The following CXADR variants were observed in gnomAD, a reference collection of about 807,000 sequenced individuals.
CXADR encodes CXADR cell adhesion molecule, also known as coxsackievirus and adenovirus receptor.
In CXADR, 20 loss-of-function variants were observed where a neutral mutation model predicts 40.3. The observed-to-expected ratio is 0.50, with a 90% CI of 0.35 to 0.72. The LOEUF (loss-of-function observed/expected upper bound fraction) is 0.72. Among genes scored for constraint, CXADR ranks in the 30% least tolerant of loss-of-function variants. The pLI is 0.01. For missense variants in CXADR, 332 were observed against 449.1 expected (o/e 0.74, Z 2.36); for synonymous variants, 150 against 161.3 (o/e 0.93, Z 0.53).
rs73211046 is a variant in CXADR at position 17,590,868 on chromosome 21, G to C, written c.1018-2284G>C. Among the ~76,000 whole-genome samples, 78 of 152,114 alleles carry C rather than the reference G, an allele frequency of 5.1e-4. 1 individual carries two copies. The highest frequency in any genetic ancestry group is 3.4e-3 in the Middle Eastern group (1 of 294). ...ATCTCAGTCTTCACTCTACTGGGTT[G>C]TACTGTTTATTGCAATTTAATTTCT... On this transcript the variant is annotated intron_variant, in intron 7 of 7. Coordinates refer to the CXADR transcript ENST00000400169.
intron 1 of CXADR, among the ~76,000 whole-genome samples, chr21:17,524,043 C>CATGTGT (rs1555860825): frequency 6.9e-6 from 1 of 144,720 alleles, no homozygotes; most frequent in African/African-American, 2.6e-5. Context: ...TGTGTGTGTG[C>CATGTGT]GTGTGTGTGT....
At chr21:17,531,051 G>A (rs527308220) in intron 1 of CXADR, among the ~76,000 whole-genome samples, 3 of 152,220 alleles carry the variant, frequency 2.0e-5, no homozygotes, top group Non-Finnish European at 4.4e-5. Flanking sequence ...TGTAATCCCA[G>A]CACTTTGGGA....
At chr21:17,551,416 A>C (rs893965302) in intron 2 of CXADR, among the ~76,000 whole-genome samples, 1 of 152,152 alleles carries the variant, frequency 6.6e-6, no homozygotes, top group Non-Finnish European at 1.5e-5. Context: ...AAGGAAAAGA[A>C]AAGACAACGA....
chr21:17,514,651 T>A (rs80199914), intron 1 of CXADR, among the ~76,000 whole-genome samples: 18 of 151,210 alleles, frequency 1.2e-4, no homozygotes, highest in African/African-American at 3.2e-4. Context: ...TTTTTTTTTT[T>A]AAATGGAGTT....
chr21:17,616,328 CAA>C, the CXADR span, among the ~76,000 whole-genome samples: 2 of 145,012 alleles, frequency 1.4e-5, no homozygotes, highest in South Asian at 2.2e-4. Flanking sequence ...AATCTGAATA[CAA>C]AAGTCTTTTT....
intron 1 of CXADR, among the ~76,000 whole-genome samples, chr21:17,545,767 A>G (rs1569108062): frequency 8.5e-6 from 1 of 117,154 alleles, no homozygotes; most frequent in African/African-American, 3.0e-5. Context: ...TGAGTCAACT[A>G]TTTGGTTTTT....
At chr21:17,617,555 A>G in the CXADR span, among the ~76,000 whole-genome samples, 1 of 152,262 alleles carries the variant, frequency 6.6e-6, no homozygotes, top group East Asian at 1.9e-4. Flanking sequence ...ATATTGCAAT[A>G]ATGCAAGTCA....
chr21:17,580,453 G>C (rs2061352283), intron 7 of CXADR, among the ~76,000 whole-genome samples: 1 of 152,054 alleles, frequency 6.6e-6, no homozygotes, highest in African/African-American at 2.4e-5. Context: ...ACCTGTCTCT[G>C]GTAAAAATAC....
At chr21:17,529,034 CTTTTTTTTTT>C (rs10530177) in intron 1 of CXADR, among the ~76,000 whole-genome samples, 1 of 121,386 alleles carries the variant, frequency 8.2e-6, no homozygotes, top group Non-Finnish European at 1.8e-5. Context: ...GACTTTTTGT[CTTTTTTTTTT>C]TTTTTTTTTT....
chr21:17,514,377 C>A (rs986839804), intron 1 of CXADR, among the ~76,000 whole-genome samples: 20 of 152,228 alleles, frequency 1.3e-4, no homozygotes, highest in African/African-American at 4.8e-4. Context: ...GCCTATAGCA[C>A]TACCTCCACC....
rs113927263 is a variant in CXADR at position 17,567,684 on chromosome 21, G to T, written c.*1992G>T. The T allele has an allele frequency of 2.6e-3, 2,434 of 940,696 alleles. 5 individuals are homozygous for T. Among genetic ancestry groups the T allele is most frequent in the Non-Finnish European group, 2.8e-3 (2,219 of 789,020 alleles). The allele number at this position is 940,696 out of a possible 1,614,324, so 58.3% of individuals were successfully genotyped here. On this transcript the variant is annotated 3_prime_UTR_variant, in exon 7 of 7. Transcript: ENST00000284878. ...AGCCATTTTTGAAAGTCAGATGTTT[G>T]GCCTGTTTTATATGAATAAAGTTTA...
chr21:17,612,885 C>T, the CXADR span: 1 of 151,936 alleles, frequency 6.6e-6, no homozygotes, highest in South Asian at 2.1e-4. Flanking sequence ...GGCGGGCGGA[C>T]GAGCGCGCAC....
the CXADR span, among the ~76,000 whole-genome samples, chr21:17,625,058 G>A: frequency 1.3e-5 from 2 of 151,956 alleles, no homozygotes; most frequent in Admixed American, 6.6e-5. Flanking sequence ...CAGAAACTTT[G>A]ATTTATTCAC....
the CXADR span, among the ~76,000 whole-genome samples, chr21:17,599,578 C>G: frequency 6.7e-6 from 1 of 149,644 alleles, no homozygotes; most frequent in East Asian, 2.0e-4. Context: ...CCCAGGTGTT[C>G]AAGTGATTCT....
Position 17,524,575 on chromosome 21 carries a change from C to CAA in CXADR, c.43+11429_43+11430dup, listed in dbSNP as rs71189539. On this transcript the variant is annotated intron_variant, in intron 1 of 6. Transcript: ENST00000284878. ...TGGGCAACAGAGCAAGACTCTATCT[C>CAA]AAAAAAAAAAAAAAAAAAAAAAAAA... Among the ~76,000 whole-genome samples, 310 of 43,830 alleles carry CAA rather than the reference C, an allele frequency of 7.1e-3. 23 individuals carry two copies. Among genetic ancestry groups the CAA allele is most frequent in the African/African-American group, 9.6e-3 (98 of 10,160 alleles). The allele number at this position is 43,830 out of a possible 152,430, so 28.8% of individuals were successfully genotyped here. A position where few individuals can be genotyped will look rare whatever the true frequency, so the allele number is the denominator to read the frequency against.
chr21:17,572,309 G>T (rs187558667), downstream of CXADR, among the ~76,000 whole-genome samples: 117 of 151,578 alleles, frequency 7.7e-4, no homozygotes, highest in Non-Finnish European at 1.4e-3. Context: ...GGCAGAGGTT[G>T]CAGTGAGCCG....
chr21:17,529,034 CTTTTTTTTTTTT>C (rs10530177), intron 1 of CXADR, among the ~76,000 whole-genome samples: 29,243 of 121,690 alleles, frequency 0.24, 4,340 homozygotes, highest in African/African-American at 0.48. Context: ...GACTTTTTGT[CTTTTTTTTTTTT>C]TTTTTTTTTT....
chr21:17,519,547 T>C (rs976114538), intron 1 of CXADR, among the ~76,000 whole-genome samples: 1 of 152,208 alleles, frequency 6.6e-6, no homozygotes, highest in Non-Finnish European at 1.5e-5. Flanking sequence ...ATGTGCCAAA[T>C]TGGTTTATCT....
intron 7 of CXADR, among the ~76,000 whole-genome samples, chr21:17,587,327 A>G (rs2061404672): frequency 6.6e-6 from 1 of 152,026 alleles, no homozygotes. Context: ...GACTTCCACA[A>G]TGGTTGAACT....
Sources: allele counts gnomAD v4.1 joint callset (sites outside exome capture counted in the v4.1 genomes callset), GRCh38; gene constraint gnomAD v4.1.1; transcripts MANE v1.5; gene names NCBI Gene and HGNC (gene_info 2026-07-23, HGNC 2026-07-21).